Variants in DGKB observed in about 807,000 individuals in gnomAD.
DGKB encodes the protein diacylglycerol kinase beta.
Under a neutral mutation model 114.3 loss-of-function variants are expected in DGKB, and 67 were observed. That is an observed-to-expected ratio of 0.59 (90% CI 0.48 to 0.72). The LOEUF (loss-of-function observed/expected upper bound fraction) is 0.72, where lower values mean the gene tolerates loss of function less well. DGKB is among the 30% of genes least tolerant of loss of function. The pLI is 0.00. For synonymous variants in DGKB, 398 were observed against 323.1 expected (o/e 1.23, Z -2.49); for missense variants, 907 against 975.2 (o/e 0.93, Z 0.93).
rs142463781 is a variant in DGKB, at chr7:14,932,055, G to C, written c.-188+42641C>G. ...AGTTAGGATTGAAAATGACACTCCA[G>C]AACAGCTGCCTAGATTGGAGAAGTT... On this transcript the variant is annotated intron_variant, in intron 1 of 4. Transcript: ENST00000437998. Among the ~76,000 whole-genome samples, 45 of 152,292 alleles carry C rather than the reference G, an allele frequency of 3.0e-4. 1 individual carries two copies. The East Asian group carries it at 8.1e-3, about 27-fold the overall frequency.
intron 25 of DGKB, among the ~76,000 whole-genome samples, chr7:14,169,875 C>T (rs961573819): frequency 6.6e-6 from 1 of 152,012 alleles, no homozygotes; most frequent in Non-Finnish European, 1.5e-5. Flanking sequence ...TGGCTCACAC[C>T]TGTAATCCCA....
intron 16 of DGKB, among the ~76,000 whole-genome samples, chr7:14,610,405 A>G (rs1184279883): frequency 6.6e-6 from 1 of 152,052 alleles, no homozygotes; most frequent in Non-Finnish European, 1.5e-5. Context: ...GGAGGAAGAT[A>G]TGAAAAAAAC....
chr7:14,676,741 A>C (rs1585570663), intron 12 of DGKB, among the ~76,000 whole-genome samples: 1 of 152,116 alleles, frequency 6.6e-6, no homozygotes, highest in Non-Finnish European at 1.5e-5. Context: ...CTATATCCCA[A>C]ATCAGCAAAA....
chr7:14,676,753 C>T (rs979873284), intron 12 of DGKB, among the ~76,000 whole-genome samples: 7 of 151,854 alleles, frequency 4.6e-5, no homozygotes, highest in African/African-American at 1.5e-4. Context: ...TCAGCAAAAT[C>T]CTAAACACCA....
At chr7:14,547,204 C>G (rs73682444) in intron 20 of DGKB, among the ~76,000 whole-genome samples, 2 of 152,068 alleles carry the variant, frequency 1.3e-5, no homozygotes, top group African/African-American at 4.8e-5. Flanking sequence ...ATATTGATTA[C>G]GTACACCTCC....
chr7:14,412,702 C>T lies in DGKB; in HGVS notation c.1835+65459G>A, dbSNP rs543655106. Among the ~76,000 whole-genome samples, 5 of 152,246 alleles carry T rather than the reference C, an allele frequency of 3.3e-5. No homozygotes were observed. The East Asian group carries it at 7.7e-4, about 24-fold the overall frequency. On this transcript the variant is annotated intron_variant, in intron 21 of 25. Transcript: ENST00000402815. ...GGAGAGCAAAAGTCAGCGAGGAAGG[C>T]CAGGCACGGTGGCTCACGCCTGTAA...
At chr7:14,891,258 C>A (rs1781183975) in intron 1 of DGKB, among the ~76,000 whole-genome samples, 1 of 151,420 alleles carries the variant, frequency 6.6e-6, no homozygotes, top group Non-Finnish European at 1.5e-5. Context: ...TCACTTACCT[C>A]TTTAATAACG....
At chr7:14,344,337 T>C (rs903720294) in intron 22 of DGKB, among the ~76,000 whole-genome samples, 3 of 151,630 alleles carry the variant, frequency 2.0e-5, no homozygotes, top group Admixed American at 1.3e-4. Flanking sequence ...GAGAGTAGTA[T>C]CATTTTTTGG....
intron 17 of DGKB, among the ~76,000 whole-genome samples, chr7:14,590,012 G>A (rs1031682493): frequency 4.9e-5 from 7 of 142,626 alleles, no homozygotes; most frequent in Non-Finnish European, 9.1e-5. Context: ...CCTAAATGTC[G>A]GGTCGGGGGA....
intron 1 of DGKB, among the ~76,000 whole-genome samples, chr7:14,939,621 CTTTTTTTTT>C (rs60427374): frequency 4.8e-5 from 4 of 84,166 alleles, no homozygotes; most frequent in Admixed American, 3.1e-4. Flanking sequence ...AAATATAATA[CTTTTTTTTT>C]TTTTTTTTTT....
chr7:14,316,703 G>A lies in DGKB; in HGVS notation c.2122+21812C>T, dbSNP rs1434067094. Among the ~76,000 whole-genome samples, 380 of 148,498 alleles carry A rather than the reference G, an allele frequency of 2.6e-3. 4 individuals are homozygous for A. Among genetic ancestry groups the A allele is most frequent in the African/African-American group, 9.0e-3 (365 of 40,374 alleles). ...GATTCACAGCCGAATTCTACCAGAG[G>A]TACAAGGAGGAATTGGTACCATTCC... On this transcript the variant is annotated intron_variant, in intron 23 of 25. Transcript: ENST00000402815.
At chr7:14,946,742 G>A (rs370802109) in intron 1 of DGKB, among the ~76,000 whole-genome samples, 85 of 151,634 alleles carry the variant, frequency 5.6e-4, no homozygotes, top group Middle Eastern at 6.8e-3. Flanking sequence ...AAGCCTCTTC[G>A]GTCTTCTGAA....
At chr7:14,819,518 AG>A (rs1401752148) in intron 2 of DGKB, among the ~76,000 whole-genome samples, 1 of 152,152 alleles carries the variant, frequency 6.6e-6, no homozygotes, top group Non-Finnish European at 1.5e-5. Context: ...TGAGCCTGGG[AG>A]GCGGAGGTTG....
chr7:14,390,171 G>C (rs1185186071), intron 21 of DGKB, among the ~76,000 whole-genome samples: 1 of 152,112 alleles, frequency 6.6e-6, no homozygotes, highest in Non-Finnish European at 1.5e-5. Context: ...GTATTTGCTA[G>C]AGAGTCTCTC....
intron 13 of DGKB, among the ~76,000 whole-genome samples, chr7:14,645,291 C>G (rs1296768014): frequency 1.3e-5 from 2 of 152,114 alleles, no homozygotes; most frequent in Admixed American, 1.3e-4. Context: ...ATACCTTGAT[C>G]CTTTTGGTCA....
intron 17 of DGKB, among the ~76,000 whole-genome samples, chr7:14,592,299 CTT>C (rs557860016): frequency 1.9e-4 from 28 of 144,436 alleles, no homozygotes; most frequent in Middle Eastern, 7.5e-3. Context: ...CATCAATTCT[CTT>C]TTTCCTCGTT....
chr7:14,512,208 T>C (rs1788084229), intron 20 of DGKB, among the ~76,000 whole-genome samples: 1 of 152,220 alleles, frequency 6.6e-6, no homozygotes, highest in Admixed American at 6.5e-5. Context: ...TGAGGTATGC[T>C]TGTACTTCAG....
chr7:14,488,572 C>A (rs1012109559), intron 20 of DGKB, among the ~76,000 whole-genome samples: 1 of 151,344 alleles, frequency 6.6e-6, no homozygotes, highest in Admixed American at 6.6e-5. Flanking sequence ...GTTATCCCAG[C>A]ACTTTGGGAG....
At chr7:14,537,047 A>G (rs184607958) in intron 20 of DGKB, among the ~76,000 whole-genome samples, 299 of 152,272 alleles carry the variant, frequency 2.0e-3, no homozygotes, top group Middle Eastern at 6.8e-3. Context: ...AAATGAAATC[A>G]GAAATACCGT....
Sources: allele counts gnomAD v4.1 joint callset (sites outside exome capture counted in the v4.1 genomes callset), GRCh38; gene constraint gnomAD v4.1.1; transcripts MANE v1.5; gene names NCBI Gene and HGNC (gene_info 2026-07-23, HGNC 2026-07-21).